LYRM1: variants seen among roughly 807,000 people sequenced by gnomAD.
The protein encoded by LYRM1 is LYR motif-containing protein 1.
A neutral mutation model predicts 14.9 loss-of-function variants in LYRM1; 14 were observed. The observed-to-expected ratio is 0.94, with a 90% CI of 0.62 to 1.47. The LOEUF is 1.47. Ranked by LOEUF, LYRM1 falls within the 40% of genes most tolerant of loss-of-function variation. LYRM1 has a pLI of 0.00. For synonymous variants in LYRM1, 43 were observed against 56.2 expected (o/e 0.77, Z 1.05); for missense variants, 153 against 149.9 (o/e 1.02, Z -0.11).
At chr16:20,903,563 C>T (rs1338181911) in intron 1 of LYRM1, among the ~76,000 whole-genome samples, 2 of 152,202 alleles carry the variant, frequency 1.3e-5, no homozygotes, top group East Asian at 3.8e-4. Context: ...AGAACCTTTC[C>T]TTCACAGAAA....
At chr16:20,922,490 T>C (rs2083247569) in intron 3 of LYRM1, among the ~76,000 whole-genome samples, 1 of 152,036 alleles carries the variant, frequency 6.6e-6, no homozygotes, top group Admixed American at 6.6e-5. Context: ...GAAAGGAGTT[T>C]TTTTGGTTCT....
chr16:20,907,387 G>A (rs1050116748), intron 1 of LYRM1, among the ~76,000 whole-genome samples: 2 of 152,058 alleles, frequency 1.3e-5, no homozygotes, highest in African/African-American at 4.8e-5. Flanking sequence ...TTGAGATAGA[G>A]TCTGACTCTG....
chr16:20,911,711 G>A (rs2082601498), intron 1 of LYRM1, among the ~76,000 whole-genome samples: 1 of 151,770 alleles, frequency 6.6e-6, no homozygotes, highest in Non-Finnish European at 1.5e-5. Flanking sequence ...ATTTATTTTA[G>A]ATATAGAAAT....
intron 1 of LYRM1, among the ~76,000 whole-genome samples, chr16:20,905,211 C>T (rs951910155): frequency 2.0e-5 from 3 of 152,112 alleles, no homozygotes; most frequent in Non-Finnish European, 2.9e-5. Flanking sequence ...TAACATTTGC[C>T]TTTGTTAACT....
chr16:20,912,405 G>A (rs1333335232), intron 1 of LYRM1, among the ~76,000 whole-genome samples: 1 of 151,928 alleles, frequency 6.6e-6, no homozygotes, highest in Non-Finnish European at 1.5e-5. Context: ...GATTAGCTGG[G>A]ACAGGCGCCC....
intron 3 of LYRM1, 48 bp downstream of exon 3, chr16:20,920,262 C>A: frequency 7.4e-7 from 1 of 1,348,096 alleles, no homozygotes. Flanking sequence ...CCCTCATCAA[C>A]CTGGTTATTT....
intron 1 of LYRM1, among the ~76,000 whole-genome samples, chr16:20,909,776 T>C (rs2082496951): frequency 6.6e-6 from 1 of 152,232 alleles, no homozygotes; most frequent in South Asian, 2.1e-4. Flanking sequence ...TGATTCTGTT[T>C]CTAGAATCAC....
intron 2 of LYRM1, among the ~76,000 whole-genome samples, chr16:20,918,381 G>C (rs536486901): frequency 6.6e-6 from 1 of 152,132 alleles, no homozygotes; most frequent in South Asian, 2.1e-4. Flanking sequence ...GGGAGTGGGC[G>C]GAAGAGGTAC....
chr16:20,914,176 T>C (rs1233531858), intron 1 of LYRM1, among the ~76,000 whole-genome samples: 1 of 151,874 alleles, frequency 6.6e-6, no homozygotes, highest in Non-Finnish European at 1.5e-5. Context: ...GAGAAATATT[T>C]CCAAAAAGGT....
At chr16:20,922,975 G>A (rs2083273747) in intron 3 of LYRM1, among the ~76,000 whole-genome samples, 1 of 152,094 alleles carries the variant, frequency 6.6e-6, no homozygotes, top group African/African-American at 2.4e-5. Flanking sequence ...AAGATGAGGT[G>A]TCCCAGCTCA....
chr16:20,905,540 T>C (rs1259179066), intron 1 of LYRM1, among the ~76,000 whole-genome samples: 1 of 152,220 alleles, frequency 6.6e-6, no homozygotes, highest in East Asian at 1.9e-4. Context: ...TTCCAAATGA[T>C]AGTTTTAAGT....
upstream of LYRM1, chr16:20,900,339 C>T (rs889193773): frequency 6.6e-6 from 1 of 151,926 alleles, no homozygotes; most frequent in East Asian, 1.9e-4. Flanking sequence ...TCCACCACTG[C>T]CACCGCCTCC....
intron 3 of LYRM1, among the ~76,000 whole-genome samples, chr16:20,922,888 G>A (rs539904782): frequency 3.3e-5 from 5 of 152,244 alleles, no homozygotes; most frequent in Admixed American, 2.0e-4. Flanking sequence ...GAAAGCTGGT[G>A]GTATTACTCA....
rs565042339 is a variant in LYRM1, at chr16:20,920,351, T to G, written c.252+137T>G. Reference sequence around the variant, plus strand: ...TGGGAGGCATGTTGGAAATAAGCTATCATTGCATGCTGCCAGCCCATCACA... The same window carrying G: ...TGGGAGGCATGTTGGAAATAAGCTAGCATTGCATGCTGCCAGCCCATCACA... On this transcript the variant is annotated intron_variant, in intron 3 of 3. Coordinates refer to ENST00000567954, the MANE Select transcript of LYRM1 (RefSeq NM_001128302.3). 74 of 711,730 alleles carry G rather than the reference T, an allele frequency of 1.0e-4. No homozygotes were observed. In the African/African-American group the frequency reaches 1.2e-3, roughly 11 times the overall value. 44.1% of individuals were successfully genotyped at this position (711,730 alleles called of 1,614,324 possible). A position where few individuals can be genotyped will look rare whatever the true frequency, so the allele number is the denominator to read the frequency against.
intron 1 of LYRM1, among the ~76,000 whole-genome samples, chr16:20,913,357 G>C (rs954091621): frequency 6.7e-6 from 1 of 150,052 alleles, no homozygotes; most frequent in Non-Finnish European, 1.5e-5. Context: ...CTGTTGCCCA[G>C]GCTGGAATAC....
Position 20,904,691 on chromosome 16 carries a change from TTGTGTGTGTG to T in LYRM1, c.-1+3828_-1+3837del, listed in dbSNP as rs3841490. Among the ~76,000 whole-genome samples the T allele has an allele frequency of 5.1e-3, 721 of 141,146 alleles. 5 individuals are homozygous for T. Among genetic ancestry groups the T allele is most frequent in the African/African-American group, 0.018 (656 of 37,366 alleles). The allele number at this position is 141,146 out of a possible 152,430, so 92.6% of individuals were successfully genotyped here. A position where few individuals can be genotyped will look rare whatever the true frequency, so the allele number is the denominator to read the frequency against. On this transcript the variant is annotated intron_variant, in intron 1 of 3. Coordinates refer to ENST00000567954, the MANE Select transcript of LYRM1 (RefSeq NM_001128302.3). Reference sequence around the variant, plus strand: ...TCTGAAACAGGAAATAAGTCTGTGGTTGTGTGTGTGTGTGTGTGTGTGTGTGTGTGTGTGT... The same window carrying T: ...TCTGAAACAGGAAATAAGTCTGTGGTTGTGTGTGTGTGTGTGTGTGTGTGT...
intron 2 of LYRM1, among the ~76,000 whole-genome samples, chr16:20,919,511 T>C (rs1443912803): frequency 2.6e-5 from 4 of 152,254 alleles, no homozygotes; most frequent in Middle Eastern, 3.2e-3. Context: ...AATTCATCTT[T>C]TAGATACATA....
chr16:20,922,662 G>A (rs1432458343), intron 3 of LYRM1, among the ~76,000 whole-genome samples: 2 of 151,964 alleles, frequency 1.3e-5, no homozygotes, highest in Non-Finnish European at 2.9e-5. Flanking sequence ...CTAATTTTTT[G>A]TACTTTTAGT....
intron 1 of LYRM1, among the ~76,000 whole-genome samples, chr16:20,903,119 C>CA (rs2082149613): frequency 6.6e-6 from 1 of 152,232 alleles, no homozygotes; most frequent in South Asian, 2.1e-4. Context: ...ACTGACAAGA[C>CA]AGATATTGCC....
Sources: allele counts gnomAD v4.1 joint callset (sites outside exome capture counted in the v4.1 genomes callset), GRCh38; gene constraint gnomAD v4.1.1; transcripts MANE v1.5; gene names NCBI Gene and HGNC (gene_info 2026-07-23, HGNC 2026-07-21).